Variants in ALDH9A1 observed in about 807,000 individuals in gnomAD.
The protein encoded by ALDH9A1 is aldehyde dehydrogenase 9 family member A1.
A neutral mutation model predicts 56.6 loss-of-function variants in ALDH9A1; 42 were observed. The ratio of observed to expected loss-of-function variants is 0.74; its 90% CI spans 0.58 to 0.96. The LOEUF (loss-of-function observed/expected upper bound fraction) is 0.96, where lower values mean the gene tolerates loss of function less well. Among genes scored for constraint, ALDH9A1 ranks in the 40% least tolerant of loss-of-function variants. ALDH9A1 has a pLI of 0.00. For missense variants in ALDH9A1, 661 were observed against 651.5 expected, an observed-to-expected ratio of 1.01 and a Z score of -0.16; for synonymous variants, 242 against 236.0, an observed-to-expected ratio of 1.03 and a Z score of -0.23.
intron 2 of ALDH9A1, among the ~76,000 whole-genome samples, chr1:165,692,843 C>T (rs1649939432): frequency 6.6e-6 from 1 of 152,074 alleles, no homozygotes. Context: ...ACCAAAACAG[C>T]ATGGTACTGG....
At chr1:165,694,528 A>G (rs1307222928) in intron 2 of ALDH9A1, among the ~76,000 whole-genome samples, 3 of 152,196 alleles carry the variant, frequency 2.0e-5, no homozygotes, top group Non-Finnish European at 4.4e-5. Flanking sequence ...GGGAACATCT[A>G]CAAATCTATG....
intron 6 of ALDH9A1, among the ~76,000 whole-genome samples, chr1:165,673,686 A>C (rs1057492975): frequency 1.3e-5 from 2 of 152,172 alleles, no homozygotes; most frequent in African/African-American, 4.8e-5. Flanking sequence ...CTCTATCCTG[A>C]ATACAAGAGA....
chr1:165,695,561 T>G (rs933893034), intron 1 of ALDH9A1, among the ~76,000 whole-genome samples, 164 bp from the exon 2 acceptor site: 3 of 137,932 alleles, frequency 2.2e-5, no homozygotes, highest in Non-Finnish European at 4.6e-5. Context: ...AGTGGCGCGA[T>G]CTCGGCTCAC....
intron 2 of ALDH9A1, among the ~76,000 whole-genome samples, chr1:165,687,338 A>G (rs1263967223): frequency 6.6e-6 from 1 of 152,110 alleles, no homozygotes; most frequent in African/African-American, 2.4e-5. Flanking sequence ...TTTTTTCCAA[A>G]TGAAACAAAT....
intron 6 of ALDH9A1, among the ~76,000 whole-genome samples, chr1:165,674,551 T>C (rs1649287645): frequency 6.6e-6 from 1 of 151,622 alleles, no homozygotes; most frequent in Non-Finnish European, 1.5e-5. Flanking sequence ...TCAGGCGTGG[T>C]GGCACATGCC....
At chr1:165,666,718 C>T (rs1229119899) in intron 9 of ALDH9A1, among the ~76,000 whole-genome samples, 4 of 152,176 alleles carry the variant, frequency 2.6e-5, no homozygotes, top group Non-Finnish European at 4.4e-5. Flanking sequence ...CTTTAGCAAA[C>T]TGCCTTCCAC....
chr1:165,675,050 C>T (rs1314355738), intron 6 of ALDH9A1, among the ~76,000 whole-genome samples: 1 of 151,954 alleles, frequency 6.6e-6, no homozygotes, highest in Non-Finnish European at 1.5e-5. Context: ...AAAAAATTAA[C>T]TGGGTGTGGT....
intron 6 of ALDH9A1, chr1:165,676,792 T>TA: frequency 2.2e-6 from 1 of 462,542 alleles, no homozygotes; most frequent in Non-Finnish European, 4.2e-6. Context: ...ATGATAGGTA[T>TA]AAAAAAATAA....
chr1:165,665,000 C>T lies in ALDH9A1; in HGVS notation c.1462+18G>A, dbSNP rs1648963214. 2 of 1,599,762 alleles carry T rather than the reference C, an allele frequency of 1.3e-6. No individual in the cohort carries two copies. Among genetic ancestry groups the T allele is most frequent in the East Asian group, 2.2e-5 (1 of 44,800 alleles). ...GCTCTAGAGACCTAGTTTGCATTCA[C>T]ACCTCCCAGCTCCTCACCTGACTTC... On this transcript the variant is annotated intron_variant, in intron 10 of 10. Coordinates refer to ENST00000354775, the MANE Select transcript of ALDH9A1 (RefSeq NM_000696.4).
chr1:165,695,496 TTTTTTTTTTTTTTTC>T (rs1650048653), intron 1 of ALDH9A1, 99 bp from the exon 2 acceptor site: 2 of 918,636 alleles, frequency 2.2e-6, no homozygotes, highest in Non-Finnish European at 2.8e-6. Context: ...TCTTTTTTTT[TTTTTTTTTTTTTTTC>T]TTGAGATGGA....
At chr1:165,680,950 G>A (rs1161337263) in intron 4 of ALDH9A1, among the ~76,000 whole-genome samples, 3 of 152,194 alleles carry the variant, frequency 2.0e-5, no homozygotes, top group Non-Finnish European at 4.4e-5. Context: ...GGAGGTGAAA[G>A]TCACTTCTTA....
At chr1:165,679,142 CTTG>C (rs1649461977) in intron 6 of ALDH9A1, among the ~76,000 whole-genome samples, 1 of 152,144 alleles carries the variant, frequency 6.6e-6, no homozygotes, top group South Asian at 2.1e-4. Context: ...AAAGAATGCA[CTTG>C]TTTTTAGGAA....
chr1:165,697,136 T>C (rs1049725290), intron 1 of ALDH9A1, among the ~76,000 whole-genome samples: 1 of 152,242 alleles, frequency 6.6e-6, no homozygotes, highest in Non-Finnish European at 1.5e-5. Context: ...AAGCCCCTTC[T>C]TCCTTATCTC....
intron 8 of ALDH9A1, 115 bp from the exon 9 acceptor site, chr1:165,667,565 A>G: frequency 1.8e-6 from 2 of 1,126,740 alleles, no homozygotes; most frequent in African/African-American, 1.6e-5. Context: ...GGTCTCAAAC[A>G]CCTGGGCTCC....
At chr1:165,666,010 C>T (rs978212975) in intron 9 of ALDH9A1, among the ~76,000 whole-genome samples, 2 of 152,022 alleles carry the variant, frequency 1.3e-5, no homozygotes, top group Non-Finnish European at 2.9e-5. Flanking sequence ...AACCCAAATG[C>T]CTGTAACAGA....
chr1:165,680,552 A>G lies in ALDH9A1; in HGVS notation c.724T>C (p.Phe242Leu), dbSNP rs767327379. 1 of 1,614,168 alleles carries G rather than the reference A, an allele frequency of 6.2e-7. No individual in the cohort carries two copies. Among genetic ancestry groups the G allele is most frequent in the Non-Finnish European group, 8.5e-7 (1 of 1,180,030 alleles). The change falls in exon 5 of 11, where the codon TTT (phenylalanine) becomes CTT (leucine). Residue 242 changes from phenylalanine to leucine, a missense_variant. Phe to Leu is a conservative substitution (Grantham distance 22, BLOSUM62 0). Coordinates refer to ENST00000354775, the MANE Select transcript of ALDH9A1 (RefSeq NM_000696.4). ...GCCACATCGGGATGCTGACACAGAA[A>G]CTGGCCTGTGGCAGCCCCTCCCTGC... ...VVQGGAATGQ[F>L]LCQHPDVAKV...
chr1:165,691,081 C>G (rs1383712053), intron 2 of ALDH9A1, among the ~76,000 whole-genome samples: 2 of 152,176 alleles, frequency 1.3e-5, no homozygotes, highest in Non-Finnish European at 2.9e-5. Context: ...CCCTGACCCC[C>G]AAGTAGCCTA....
At chr1:165,669,058 CA>C in intron 7 of ALDH9A1, 45 bp from the exon 8 acceptor site, 1 of 1,494,064 alleles carries the variant, frequency 6.7e-7, no homozygotes, top group Non-Finnish European at 9.2e-7. Context: ...AATATAACCC[CA>C]AAATGCATTC....
In ALDH9A1 at chr1:165,665,125, A is replaced by G. The variant is rs780486160; in HGVS notation, c.1355T>C (p.Ile452Thr). The G allele has an allele frequency of 6.2e-7, 1 of 1,613,224 alleles. No individual in the cohort carries two copies. The highest frequency in any genetic ancestry group is 8.5e-7 in the Non-Finnish European group (1 of 1,179,574). The change falls in exon 10 of 11, where the codon ATC (isoleucine) becomes ACC (threonine). Residue 452 changes from isoleucine to threonine, a missense_variant. Ile to Thr is a moderately conservative substitution (Grantham distance 89, BLOSUM62 -1). Coordinates refer to ENST00000354775, the MANE Select transcript of ALDH9A1 (RefSeq NM_000696.4). ...GLAAGVFTRD[I>T]QRAHRVVAEL... ...AGCTACCACTCTATGAGCCCGTTGG[A>G]TGTCCCTATGAAGAAAAAAAAAATG...
Sources: allele counts gnomAD v4.1 joint callset (sites outside exome capture counted in the v4.1 genomes callset), GRCh38; gene constraint gnomAD v4.1.1; transcripts MANE v1.5; gene names NCBI Gene and HGNC (gene_info 2026-07-23, HGNC 2026-07-21).